TPRG1: variants seen among roughly 807,000 people sequenced by gnomAD.
The protein encoded by TPRG1 is tumor protein p63 regulated 1.
In TPRG1, 29 loss-of-function variants were observed where a neutral mutation model predicts 29.3. The ratio of observed to expected loss-of-function variants is 0.99; its 90% CI spans 0.74 to 1.35. The LOEUF (loss-of-function observed/expected upper bound fraction) is 1.35, where lower values mean the gene tolerates loss of function less well. Among genes scored for constraint, TPRG1 ranks in the 40% most tolerant of loss-of-function variants. TPRG1 has a pLI of 0.00. For missense variants in TPRG1, 327 were observed against 335.0 expected (o/e 0.98, Z 0.19); for synonymous variants, 130 against 116.8 (o/e 1.11, Z -0.73).
intron 2 of TPRG1, among the ~76,000 whole-genome samples, chr3:189,130,297 A>T (rs1347432210): frequency 6.6e-6 from 1 of 152,218 alleles, no homozygotes; most frequent in African/African-American, 2.4e-5. Flanking sequence ...TGTCTTTAGG[A>T]TCCATGATTC....
chr3:189,097,675 A>G (rs1347866202), upstream of TPRG1, among the ~76,000 whole-genome samples: 2 of 152,222 alleles, frequency 1.3e-5, no homozygotes, highest in Non-Finnish European at 2.9e-5. Context: ...GGCCGTGAAA[A>G]ATATGGCCTG....
chr3:189,181,260 T>G (rs1730180931), intron 1 of TPRG1, among the ~76,000 whole-genome samples: 2 of 152,200 alleles, frequency 1.3e-5, no homozygotes. Context: ...GGATTAACAT[T>G]TGGCTTCCCG....
At chr3:189,010,599 C>T (rs942652319) in intron 3 of TPRG1, among the ~76,000 whole-genome samples, 3 of 152,126 alleles carry the variant, frequency 2.0e-5, no homozygotes, top group African/African-American at 7.2e-5. Flanking sequence ...AGTGTCTCTT[C>T]ATGCCTTTTG....
intron 3 of TPRG1, among the ~76,000 whole-genome samples, chr3:189,221,463 C>G (rs1736929513): frequency 6.6e-6 from 1 of 151,864 alleles, no homozygotes; most frequent in African/African-American, 2.4e-5. Flanking sequence ...TTGCCTCTTT[C>G]ATATTTGGCA....
chr3:189,267,049 T>G (rs1714225972), intron 4 of TPRG1, among the ~76,000 whole-genome samples: 1 of 152,220 alleles, frequency 6.6e-6, no homozygotes, highest in Admixed American at 6.5e-5. Context: ...CACAAAGTTT[T>G]GGTCACAGAC....
At chr3:189,137,383 A>C (rs542537971) in intron 3 of TPRG1, among the ~76,000 whole-genome samples, 1 of 151,514 alleles carries the variant, frequency 6.6e-6, no homozygotes, top group Non-Finnish European at 1.5e-5. Flanking sequence ...CAAAACAAGT[A>C]ACAGCAGCAA....
At chr3:189,117,865 G>T (rs1042387116) in intron 1 of TPRG1, among the ~76,000 whole-genome samples, 1 of 152,160 alleles carries the variant, frequency 6.6e-6, no homozygotes, top group Non-Finnish European at 1.5e-5. Flanking sequence ...CCAGTCTCAG[G>T]TATTTCTTCA....
intron 5 of TPRG1, among the ~76,000 whole-genome samples, chr3:189,162,017 G>A (rs151333115): frequency 3.0e-4 from 46 of 152,172 alleles, no homozygotes; most frequent in African/African-American, 1.0e-3. Flanking sequence ...TTTTGAAATG[G>A]AGTTTCACTC....
At chr3:189,289,401 G>T (rs1232883754) in intron 4 of TPRG1, among the ~76,000 whole-genome samples, 2 of 149,320 alleles carry the variant, frequency 1.3e-5, no homozygotes, top group East Asian at 2.0e-4. Context: ...TCTTACTTTG[G>T]GTGTTTTTTT....
At chr3:189,173,204 T>G (rs1729039145) in intron 1 of TPRG1, among the ~76,000 whole-genome samples, 1 of 152,154 alleles carries the variant, frequency 6.6e-6, no homozygotes, top group Non-Finnish European at 1.5e-5. Flanking sequence ...TGCATGTGTG[T>G]ATGTGTGTGT....
At chr3:189,081,006 G>T (rs1229440046) in intron 4 of TPRG1, among the ~76,000 whole-genome samples, 1 of 152,070 alleles carries the variant, frequency 6.6e-6, no homozygotes, top group African/African-American at 2.4e-5. Flanking sequence ...ATTGGCAGCA[G>T]GTGTAGAGAT....
At chr3:189,044,292 C>T (rs1714820731) in intron 4 of TPRG1, among the ~76,000 whole-genome samples, 2 of 152,104 alleles carry the variant, frequency 1.3e-5, no homozygotes, top group Admixed American at 6.5e-5. Context: ...CGGTGGCTCA[C>T]ACCTGTAATC....
chr3:189,017,204 TC>T (rs1256357700), intron 3 of TPRG1, among the ~76,000 whole-genome samples: 1 of 13,812 alleles, frequency 7.2e-5, no homozygotes, highest in Non-Finnish European at 1.2e-3. Context: ...GCTCTGAGAT[TC>T]TTTTTTTTTT....
rs560707655 is a variant in TPRG1, at chr3:189,284,582, A to C, written c.480-25804A>C. 1.1e-3 allele frequency among the ~76,000 whole-genome samples: 166 copies of C among 151,956 alleles called. 1 individual carries two copies. Among genetic ancestry groups the C allele is most frequent in the African/African-American group, 3.8e-3 (158 of 41,420 alleles). On this transcript the variant is annotated intron_variant, in intron 4 of 5. Transcript: ENST00000345063. ...GTATTCCATGGTGTATATGTGCCAC[A>C]TTTTCTTAATCCAGTGTATCATTGT...
chr3:189,113,373 TCTC>T (rs1399928699), intron 1 of TPRG1, among the ~76,000 whole-genome samples: 1 of 152,108 alleles, frequency 6.6e-6, no homozygotes, highest in African/African-American at 2.4e-5. Flanking sequence ...TTTATTTCCT[TCTC>T]CTGCCTAATT....
At chr3:189,136,677 G>A (rs192196750) in intron 3 of TPRG1, among the ~76,000 whole-genome samples, 95 of 152,228 alleles carry the variant, frequency 6.2e-4, no homozygotes, top group African/African-American at 2.1e-3. Context: ...TCTCACTCTC[G>A]TTACAGCGCT....
chr3:189,246,843 T>A (rs1200695634), intron 4 of TPRG1, among the ~76,000 whole-genome samples: 1 of 152,194 alleles, frequency 6.6e-6, no homozygotes, highest in Admixed American at 6.5e-5. Context: ...CCATCTCTGA[T>A]GAGAGGTCCA....
At chr3:189,216,041 C>T (rs2108842119) in intron 3 of TPRG1, among the ~76,000 whole-genome samples, 1 of 152,260 alleles carries the variant, frequency 6.6e-6, no homozygotes, top group Non-Finnish European at 1.5e-5. Flanking sequence ...GTTTGTGTGA[C>T]CATCTCTTTA....
At chr3:189,182,743 A>C (rs941052874) in intron 1 of TPRG1, among the ~76,000 whole-genome samples, 2 of 151,980 alleles carry the variant, frequency 1.3e-5, no homozygotes, top group Non-Finnish European at 2.9e-5. Flanking sequence ...TAAATAATAG[A>C]ACCTTATACA....
Sources: gnomAD v4.1 joint callset for allele counts (sites outside exome capture counted in the v4.1 genomes callset) on GRCh38, gnomAD v4.1.1 for gene constraint, MANE v1.5 for transcripts, NCBI Gene and HGNC (gene_info 2026-07-23, HGNC 2026-07-21) for gene names.